The following ARNT variants were observed in gnomAD, a reference collection of about 807,000 sequenced individuals.
ARNT encodes aryl hydrocarbon receptor nuclear translocator, also known as class E basic helix-loop-helix protein 2.
ARNT carries 30 observed loss-of-function variants against 105.0 expected under a neutral mutation model. The observed-to-expected ratio is 0.29, with a 90% CI of 0.21 to 0.39. The LOEUF is 0.39. Among genes scored for constraint, ARNT ranks in the 10% least tolerant of loss-of-function variants. The pLI is 1.00. For missense variants in ARNT, 748 were observed against 978.7 expected (o/e 0.76, Z 3.15); for synonymous variants, 304 against 344.0 (o/e 0.88, Z 1.29).
Position 150,826,629 on chromosome 1 carries a change from A to G in ARNT, c.1168-12T>C, listed in dbSNP as rs754317482. 9.4e-6 allele frequency: 15 copies of G among 1,593,290 alleles called. No individual in the cohort carries two copies. The highest frequency in any genetic ancestry group is 1.2e-5 in the Non-Finnish European group (14 of 1,163,466). ...TTTCCTAAGAGTTCCTAGAATACAG[A>G]AAGAAGAGTAAGATATATACTTTTT... On this transcript the variant is annotated splice_polypyrimidine_tract_variant and intron_variant, in intron 12 of 21. Coordinates refer to ENST00000358595, the MANE Select transcript of ARNT (RefSeq NM_001668.4).
At chr1:150,851,480 T>C (rs1167989737) in intron 3 of ARNT, among the ~76,000 whole-genome samples, 2 of 152,258 alleles carry the variant, frequency 1.3e-5, no homozygotes, top group African/African-American at 2.4e-5. Context: ...TAGAAAGAAG[T>C]AGACATAGGA....
rs1028337771 is a variant in ARNT at position 150,830,077 on chromosome 1, G to C, written c.956-97C>G. On this transcript the variant is annotated intron_variant, in intron 10 of 21. Coordinates refer to ENST00000358595, the MANE Select transcript of ARNT (RefSeq NM_001668.4). ...AAGATTCAAAATAGACCTATTTATG[G>C]GCCAGGCACCGTGGCTGACGCCTGT... The C allele has an allele frequency of 2.9e-6, 4 of 1,383,490 alleles. No homozygotes were observed. The African/African-American group carries it at 4.3e-5, about 15-fold the overall frequency. The allele number at this position is 1,383,490 out of a possible 1,614,324, so 85.7% of individuals were successfully genotyped here.
At chr1:150,874,980 C>T (rs975731654) in intron 1 of ARNT, among the ~76,000 whole-genome samples, 1 of 152,144 alleles carries the variant, frequency 6.6e-6, no homozygotes, top group South Asian at 2.1e-4. Flanking sequence ...CCCACCCACA[C>T]AGCTGGAAAA....
chr1:150,833,163 T>C (rs979306471), intron 8 of ARNT, among the ~76,000 whole-genome samples: 2 of 152,166 alleles, frequency 1.3e-5, no homozygotes, highest in African/African-American at 2.4e-5. Context: ...TTCAAATCCA[T>C]AGAATATGGA....
intron 14 of ARNT, among the ~76,000 whole-genome samples, chr1:150,821,497 G>A (rs1237166384): frequency 6.6e-6 from 1 of 152,124 alleles, no homozygotes. Flanking sequence ...AGCAATAGGT[G>A]GCTACCAAAT....
intron 1 of ARNT, among the ~76,000 whole-genome samples, chr1:150,869,301 C>A (rs1405781999): frequency 6.6e-6 from 1 of 152,052 alleles, no homozygotes; most frequent in Non-Finnish European, 1.5e-5. Flanking sequence ...CACAGTGAAA[C>A]CCCATCTCCA....
At position 150,852,796 on chromosome 1, in the gene ARNT, C is replaced by T. The variant is rs1663869986; in HGVS notation, c.148G>A (p.Asp50Asn). ...TTACTGTTCCCTTCTCCATCATCATCAAAATCCAGCCTGAGGAAAGCCAAC... is the reference window on the plus strand; with the variant it reads ...TTACTGTTCCCTTCTCCATCATCATTAAAATCCAGCCTGAGGAAAGCCAAC... Reference protein sequence around the residue: ...AIKRRPGLDFDDDGEGNSKFL... With the variant: ...AIKRRPGLDFNDDGEGNSKFL... Residue 50 changes from aspartate to asparagine, a missense_variant, in exon 3 of 22, where the codon GAT becomes AAT. This residue lies in a region of ARNT where 93 missense variants were observed against 101.6 expected (regional missense o/e 0.92). Transcript: ENST00000358595. 1 of 1,613,978 alleles carries T rather than the reference C, an allele frequency of 6.2e-7. No individual in the cohort carries two copies. The highest frequency in any genetic ancestry group is 1.1e-5 in the South Asian group (1 of 91,082).
chr1:150,812,122 A>C lies in ARNT; in HGVS notation c.2281-12T>G, dbSNP rs755718188. ...ATGGACAGCATCTCCTGATAAAAGA[A>C]AAAGATTAAGTTTGGGTCACACACC... On this transcript the variant is annotated splice_polypyrimidine_tract_variant and intron_variant, in intron 21 of 21. Coordinates refer to ENST00000358595, the MANE Select transcript of ARNT (RefSeq NM_001668.4). 6.4e-7 allele frequency: 1 copy of C among 1,552,192 alleles called. No homozygotes were observed. Among genetic ancestry groups the C allele is most frequent in the East Asian group, 2.4e-5 (1 of 41,614 alleles).
chr1:150,833,894 C>G (rs1354887298), intron 8 of ARNT, among the ~76,000 whole-genome samples: 1 of 151,032 alleles, frequency 6.6e-6, no homozygotes, highest in Non-Finnish European at 1.5e-5. Flanking sequence ...AATCCTGTAT[C>G]AAACAGTATG....
chr1:150,818,112 T>C (rs1656328525), intron 14 of ARNT, 82 bp from the exon 15 acceptor site: 1 of 983,928 alleles, frequency 1.0e-6, no homozygotes, highest in Non-Finnish European at 1.6e-6. Flanking sequence ...AATAAGATTC[T>C]GTATGTAAAG....
chr1:150,835,270 A>T (rs1557890418), intron 7 of ARNT, among the ~76,000 whole-genome samples: 1 of 152,118 alleles, frequency 6.6e-6, no homozygotes, highest in Non-Finnish European at 1.5e-5. Flanking sequence ...TTTGGGGAAA[A>T]GGAAGAACTA....
At chr1:150,830,162 A>G (rs1398517073) in intron 10 of ARNT, 182 bp from the exon 11 acceptor site, 5 of 576,412 alleles carry the variant, frequency 8.7e-6, no homozygotes, top group African/African-American at 1.9e-5. Flanking sequence ...CCTGGCCGAC[A>G]CAGTGAAACC....
intron 11 of ARNT, chr1:150,829,457 A>C: frequency 1.7e-6 from 1 of 604,260 alleles, no homozygotes; most frequent in African/African-American, 1.9e-5. Flanking sequence ...AAGTAAGAAT[A>C]AAGTTTATTC....
intron 10 of ARNT, among the ~76,000 whole-genome samples, chr1:150,830,962 G>A (rs1557881309): frequency 6.6e-6 from 1 of 151,838 alleles, no homozygotes; most frequent in East Asian, 1.9e-4. Flanking sequence ...ACTTTTATTG[G>A]GTTACCTGCC....
intron 1 of ARNT, among the ~76,000 whole-genome samples, chr1:150,864,025 G>A (rs1157456610): frequency 6.6e-6 from 1 of 152,000 alleles, no homozygotes; most frequent in Non-Finnish European, 1.5e-5. Flanking sequence ...ACACACCTAG[G>A]TATGTAGGTG....
At chr1:150,840,945 CTTTTTTTTTT>C (rs777444553) in intron 5 of ARNT, among the ~76,000 whole-genome samples, 3 of 103,720 alleles carry the variant, frequency 2.9e-5, no homozygotes, top group Non-Finnish European at 5.7e-5. Flanking sequence ...CTCTCTTCTT[CTTTTTTTTTT>C]TTTTTTTTTT....
In ARNT at chr1:150,839,442, T is replaced by C; in HGVS notation, c.485A>G (p.Gln162Arg). ...GSYKPSFLTDQELKHLILEAA... is the reference protein window; with the variant it reads ...GSYKPSFLTDRELKHLILEAA... ...CTCAGAACTATAAGTCCCAGAGACC[T>C]GATCAGTGAGGAAAGACGGCTTATA... The change falls in exon 6 of 22, where the codon CAG becomes CGG. Residue 162 changes from glutamine to arginine, a missense_variant and splice_region_variant. Physicochemically the swap from Gln to Arg is conservative, Grantham distance 43 (BLOSUM62 1). Transcript: ENST00000358595. 1 of 1,614,170 alleles carries C rather than the reference T, an allele frequency of 6.2e-7. No homozygotes were observed. The highest frequency in any genetic ancestry group is 8.5e-7 in the Non-Finnish European group (1 of 1,180,012).
At chr1:150,839,942 T>G (rs587716640) in intron 5 of ARNT, among the ~76,000 whole-genome samples, 1 of 152,274 alleles carries the variant, frequency 6.6e-6, no homozygotes, top group Admixed American at 6.5e-5. Flanking sequence ...GAACAAAAGC[T>G]GTTTTAAGAA....
intron 3 of ARNT, among the ~76,000 whole-genome samples, chr1:150,847,393 T>C (rs986294893): frequency 4.1e-5 from 5 of 121,324 alleles, no homozygotes; most frequent in Admixed American, 2.4e-4. Flanking sequence ...ATCACACCAC[T>C]GCATTTGTGG....
Sources: allele counts gnomAD v4.1 joint callset (sites outside exome capture counted in the v4.1 genomes callset), GRCh38; gene constraint gnomAD v4.1.1; regional missense constraint gnomAD v4.1.1; transcripts MANE v1.5; gene names NCBI Gene and HGNC (gene_info 2026-07-23, HGNC 2026-07-21).